The following SPOCK3 variants were observed in gnomAD, a reference collection of about 807,000 sequenced individuals.
SPOCK3 encodes SPARC (osteonectin), cwcv and kazal like domains proteoglycan 3.
SPOCK3 carries 30 observed loss-of-function variants against 56.6 expected under a neutral mutation model. The observed-to-expected ratio is 0.53, with a 90% CI of 0.40 to 0.72. The LOEUF is 0.72. SPOCK3 is among the 30% of genes least tolerant of loss of function. SPOCK3 has a pLI of 0.00. For synonymous variants in SPOCK3, 196 were observed against 183.3 expected, an observed-to-expected ratio of 1.07 and a Z score of -0.56; for missense variants, 527 against 530.0, an observed-to-expected ratio of 0.99 and a Z score of 0.06.
intron 2 of SPOCK3, chr4:167,083,297 T>C: frequency 2.6e-6 from 2 of 764,566 alleles, no homozygotes; most frequent in South Asian, 2.7e-5. Flanking sequence ...CTGTGTCAGG[T>C]TGTCATCTGC....
chr4:167,234,609 C>T (rs989284015), upstream of SPOCK3: 2 of 199,044 alleles, frequency 1.0e-5, no homozygotes, highest in Non-Finnish European at 2.1e-5. Flanking sequence ...CCTCCCTTCG[C>T]GCGCGGATCT....
intron 4 of SPOCK3, among the ~76,000 whole-genome samples, chr4:166,993,507 T>C (rs961346365): frequency 1.3e-5 from 2 of 152,198 alleles, no homozygotes; most frequent in African/African-American, 4.8e-5. Context: ...GCTATTTCTC[T>C]TTAAGCATCT....
chr4:166,955,625 A>G (rs982067875), intron 4 of SPOCK3, among the ~76,000 whole-genome samples: 3 of 146,220 alleles, frequency 2.1e-5, no homozygotes, highest in Admixed American at 6.9e-5. Context: ...AATTTAATAT[A>G]ATTTAATTAT....
At chr4:167,007,183 T>C (rs1749550815) in intron 3 of SPOCK3, among the ~76,000 whole-genome samples, 1 of 152,202 alleles carries the variant, frequency 6.6e-6, no homozygotes, top group Admixed American at 6.5e-5. Flanking sequence ...TCTATTCTTC[T>C]GTGGCTAACA....
At chr4:166,820,488 T>C (rs1744815599) in intron 6 of SPOCK3, among the ~76,000 whole-genome samples, 1 of 151,944 alleles carries the variant, frequency 6.6e-6, no homozygotes, top group Non-Finnish European at 1.5e-5. Flanking sequence ...TTATGGTCAA[T>C]TGATTTTTTT....
At chr4:167,198,626 TTTTA>T (rs1341549637) in intron 2 of SPOCK3, among the ~76,000 whole-genome samples, 5 of 152,308 alleles carry the variant, frequency 3.3e-5, no homozygotes, top group South Asian at 2.1e-4. Context: ...TTTTGTTAGT[TTTTA>T]TTTGTGTTTT....
At chr4:167,172,750 A>ATG (rs1036070855) in intron 2 of SPOCK3, among the ~76,000 whole-genome samples, 1 of 151,990 alleles carries the variant, frequency 6.6e-6, no homozygotes, top group African/African-American at 2.4e-5. Context: ...ACATCTATAT[A>ATG]TGTGTGTGTG....
At chr4:167,061,841 GA>G (rs1175954187) in intron 3 of SPOCK3, among the ~76,000 whole-genome samples, 1 of 151,886 alleles carries the variant, frequency 6.6e-6, no homozygotes, top group East Asian at 1.9e-4. Context: ...TTTTAAATGT[GA>G]ACTTTAGTAA....
chr4:166,940,512 T>C (rs1461427712), intron 4 of SPOCK3, among the ~76,000 whole-genome samples: 1 of 151,962 alleles, frequency 6.6e-6, no homozygotes, highest in Admixed American at 6.5e-5. Context: ...ATTCAGTTCA[T>C]TCAAGCAAAG....
chr4:166,865,366 G>A (rs937732937), intron 6 of SPOCK3, among the ~76,000 whole-genome samples: 3 of 152,114 alleles, frequency 2.0e-5, no homozygotes, highest in East Asian at 1.9e-4. Context: ...CTTTGAAACC[G>A]GCACAAGACA....
At chr4:166,836,391 T>C (rs1746629325) in intron 6 of SPOCK3, among the ~76,000 whole-genome samples, 1 of 152,242 alleles carries the variant, frequency 6.6e-6, no homozygotes. Flanking sequence ...TGCCCATTCT[T>C]TTCATTTTCT....
Position 166,847,066 on chromosome 4 carries a change from T to G in SPOCK3, c.589+42064A>C, listed in dbSNP as rs1413796502. ...AATAATCCCACTAGCCATCAAGAGA[T>G]CTATTAAAAAGAAAAGTGAAAGAAG... On this transcript the variant is annotated intron_variant, in intron 6 of 10. Coordinates refer to ENST00000357545, the MANE Select transcript of SPOCK3 (RefSeq NM_001040159.2). 2.6e-5 allele frequency among the ~76,000 whole-genome samples: 4 copies of G among 151,960 alleles called. No individual in the cohort carries two copies. The East Asian group carries it at 7.8e-4, about 29-fold the overall frequency.
intron 2 of SPOCK3, among the ~76,000 whole-genome samples, chr4:167,070,333 A>G (rs1384269535): frequency 6.6e-6 from 1 of 151,806 alleles, no homozygotes; most frequent in Non-Finnish European, 1.5e-5. Flanking sequence ...CAACCATTTT[A>G]TTTTCATTCA....
In SPOCK3 at chr4:166,990,390, T is replaced by TA. The variant is rs1415811150; in HGVS notation, c.350+9958dup. Among the ~76,000 whole-genome samples, 18 of 78,004 alleles carry TA rather than the reference T, an allele frequency of 2.3e-4. No homozygotes were observed. The South Asian group carries it at 3.0e-3, about 13-fold the overall frequency. 51.2% of individuals were successfully genotyped at this position (78,004 alleles called of 152,430 possible). On this transcript the variant is annotated intron_variant, in intron 4 of 10. Transcript: ENST00000357545. ...ATGTACCCTAAAACTTAAAGTATAATAAAAAAATTAAAAAAAAATGTTCTT... is the reference window on the plus strand; with the variant it reads ...ATGTACCCTAAAACTTAAAGTATAATAAAAAAAATTAAAAAAAAATGTTCTT...
chr4:166,948,478 C>T (rs1287656003), intron 4 of SPOCK3, among the ~76,000 whole-genome samples: 4 of 152,040 alleles, frequency 2.6e-5, no homozygotes, highest in Non-Finnish European at 5.9e-5. Context: ...GTATTCCTAC[C>T]AACAGTGTGT....
At chr4:166,787,128 C>T (rs894557829) in intron 7 of SPOCK3, among the ~76,000 whole-genome samples, 1 of 152,036 alleles carries the variant, frequency 6.6e-6, no homozygotes, top group South Asian at 2.1e-4. Flanking sequence ...CACACGTATT[C>T]TAATATTATA....
chr4:167,127,573 G>A (rs1346714072), intron 2 of SPOCK3, among the ~76,000 whole-genome samples: 2 of 151,934 alleles, frequency 1.3e-5, no homozygotes, highest in Non-Finnish European at 2.9e-5. Flanking sequence ...GATTACAGGC[G>A]CCTGCCACCA....
At chr4:166,924,706 C>G (rs546959095) in intron 4 of SPOCK3, among the ~76,000 whole-genome samples, 6 of 152,262 alleles carry the variant, frequency 3.9e-5, no homozygotes, top group Admixed American at 1.3e-4. Flanking sequence ...AATGGCTAGG[C>G]TGAAGAAAAA....
At chr4:167,167,819 T>C (rs1420888474) in intron 2 of SPOCK3, among the ~76,000 whole-genome samples, 1 of 152,134 alleles carries the variant, frequency 6.6e-6, no homozygotes, top group South Asian at 2.1e-4. Flanking sequence ...TATCGGTACC[T>C]TTAACATATG....
Sources: allele counts gnomAD v4.1 joint callset (sites outside exome capture counted in the v4.1 genomes callset), GRCh38; gene constraint gnomAD v4.1.1; transcripts MANE v1.5; gene names NCBI Gene and HGNC (gene_info 2026-07-23, HGNC 2026-07-21).